EFCAB6: variants seen among roughly 807,000 people sequenced by gnomAD.
The protein encoded by EFCAB6 is EF-hand calcium binding domain 6, also known as EF-hand calcium-binding domain-containing protein 6.
In EFCAB6, 156 loss-of-function variants were observed where a neutral mutation model predicts 169.8. The ratio of observed to expected loss-of-function variants is 0.92; its 90% CI spans 0.81 to 1.05. EFCAB6 has a LOEUF of 1.05. Ranked by LOEUF, EFCAB6 falls within the 50% of genes least tolerant of loss-of-function variation. EFCAB6 has a pLI of 0.00. For missense variants in EFCAB6, 1,800 were observed against 1,829.1 expected (o/e 0.98, Z 0.29); for synonymous variants, 698 against 676.4 (o/e 1.03, Z -0.50).
intron 5 of EFCAB6, among the ~76,000 whole-genome samples, chr22:43,757,065 T>A (rs538763458): frequency 3.3e-5 from 5 of 152,262 alleles, no homozygotes; most frequent in African/African-American, 1.2e-4. Context: ...GGGAAGACAC[T>A]GGAGTGCTTA....
At chr22:43,661,248 T>C (rs2056986639) in intron 17 of EFCAB6, among the ~76,000 whole-genome samples, 1 of 152,178 alleles carries the variant, frequency 6.6e-6, no homozygotes, top group African/African-American at 2.4e-5. Flanking sequence ...CCTGGTGGCA[T>C]GGACCTCTAG....
At chr22:43,649,441 C>G (rs762826960) in intron 17 of EFCAB6, among the ~76,000 whole-genome samples, 11 of 152,094 alleles carry the variant, frequency 7.2e-5, no homozygotes, top group Admixed American at 1.3e-4. Context: ...TACACAGCCA[C>G]TAGAAATGTG....
intron 26 of EFCAB6, among the ~76,000 whole-genome samples, chr22:43,565,465 T>C (rs1461597170): frequency 6.6e-6 from 1 of 152,226 alleles, no homozygotes; most frequent in East Asian, 1.9e-4. Context: ...AAGTAAGCTG[T>C]TGAGCACAGA....
Position 43,731,992 on chromosome 22 carries a change from A to G in EFCAB6, c.645-181T>C, listed in dbSNP as rs377306767. On this transcript the variant is annotated intron_variant, in intron 7 of 31. Transcript: ENST00000262726. ...GTCAGATTTTTTTTTTAATGCAGCT[A>G]CTTCGAGATCACTTCTCCAACCTAC... 3.0e-4 allele frequency among the ~76,000 whole-genome samples: 46 copies of G among 152,270 alleles called. No individual in the cohort carries two copies. The South Asian group carries it at 5.4e-3, about 18-fold the overall frequency.
intron 17 of EFCAB6, among the ~76,000 whole-genome samples, chr22:43,664,389 G>T (rs2057146757): frequency 6.6e-6 from 1 of 152,204 alleles, no homozygotes; most frequent in Admixed American, 6.5e-5. Context: ...GAGATCAAAT[G>T]TCAACCTTTG....
chr22:43,543,426 C>G (rs2047863284), intron 27 of EFCAB6, among the ~76,000 whole-genome samples: 2 of 152,176 alleles, frequency 1.3e-5, no homozygotes. Flanking sequence ...CACGGGGCCA[C>G]TTCTCCAGAC....
intron 10 of EFCAB6, among the ~76,000 whole-genome samples, chr22:43,706,797 T>A (rs1417713170): frequency 6.6e-6 from 1 of 152,212 alleles, no homozygotes; most frequent in African/African-American, 2.4e-5. Flanking sequence ...TCATCTCAGT[T>A]GTTTACTATA....
intron 20 of EFCAB6, among the ~76,000 whole-genome samples, chr22:43,624,255 AC>A (rs1050404585): frequency 6.6e-6 from 1 of 151,946 alleles, no homozygotes; most frequent in African/African-American, 2.4e-5. Context: ...GGTCCACCAG[AC>A]CCCGGGGACC....
At chr22:43,811,196 C>T (rs1318523971) in intron 1 of EFCAB6, among the ~76,000 whole-genome samples, 1 of 151,334 alleles carries the variant, frequency 6.6e-6, no homozygotes, top group Admixed American at 6.6e-5. Flanking sequence ...ACGAGAATCG[C>T]TTGAACCCGG....
chr22:43,752,008 A>G (rs1332514975), intron 6 of EFCAB6, among the ~76,000 whole-genome samples: 1 of 152,178 alleles, frequency 6.6e-6, no homozygotes, highest in Non-Finnish European at 1.5e-5. Context: ...ATTAATGTCC[A>G]AAAGATTAAG....
chr22:43,678,094 C>A lies in EFCAB6; in HGVS notation c.1321G>T (p.Asp441Tyr). 1 of 1,613,146 alleles carries A rather than the reference C, an allele frequency of 6.2e-7. No individual in the cohort carries two copies. The highest frequency in any genetic ancestry group is 1.3e-5 in the African/African-American group (1 of 74,688). Reference protein sequence around the residue: ...ILNCMAVKLSDSEFKELMQML... With the variant: ...ILNCMAVKLSYSEFKELMQML... ...TGCATTAGTTCTTTGAATTCTGAAT[C>A]GCTTAGTTTTACAGCCATGCAATTT... Residue 441 changes from aspartate (D) to tyrosine (Y), a missense_variant, in exon 13 of 32, where the codon GAT (aspartate) becomes TAT (tyrosine). Physicochemically the swap from Asp to Tyr is radical, Grantham distance 160. Transcript: ENST00000262726.
chr22:43,743,423 T>C (rs1236690322), intron 6 of EFCAB6, among the ~76,000 whole-genome samples: 2 of 152,186 alleles, frequency 1.3e-5, no homozygotes, highest in Non-Finnish European at 2.9e-5. Context: ...GGTGCTGAAA[T>C]GAGGCTTCAA....
Position 43,572,273 on chromosome 22 carries a change from C to T in EFCAB6, c.3420+4024G>A, listed in dbSNP as rs1472153096. Among the ~76,000 whole-genome samples, 1 of 152,200 alleles carries T rather than the reference C, an allele frequency of 6.6e-6. No homozygotes were observed. The highest frequency in any genetic ancestry group is 2.4e-5 in the African/African-American group (1 of 41,448). ...ACCAATGTTGCGGGAGGCAAGCTGACAGCACATAAAGCTTTAGGAATGTTC... is the reference window on the plus strand; with the variant it reads ...ACCAATGTTGCGGGAGGCAAGCTGATAGCACATAAAGCTTTAGGAATGTTC... On this transcript the variant is annotated intron_variant, in intron 26 of 31. Coordinates refer to ENST00000262726, the MANE Select transcript of EFCAB6 (RefSeq NM_022785.4). This position sits in a 1 kb window ranked among gnomAD's most constrained non-coding sequence, Gnocchi z 4.0.
At chr22:43,721,174 G>A (rs906307600) in intron 8 of EFCAB6, among the ~76,000 whole-genome samples, 1 of 152,144 alleles carries the variant, frequency 6.6e-6, no homozygotes, top group Non-Finnish European at 1.5e-5. Context: ...AACCAAGGAG[G>A]TGAAAGATCT....
chr22:43,555,107 T>C lies in EFCAB6; in HGVS notation c.3421-11A>G, dbSNP rs1323048846. The C allele has an allele frequency of 9.3e-6, 15 of 1,613,890 alleles. No individual in the cohort carries two copies. Among genetic ancestry groups the C allele is most frequent in the South Asian group, 2.2e-5 (2 of 91,062 alleles). On this transcript the variant is annotated splice_polypyrimidine_tract_variant and intron_variant, in intron 26 of 31. Transcript: ENST00000262726. Reference sequence around the variant, plus strand: ...CCACTCATCAGCTGTCTGGACAAAATAGAATGGAAATTGATCCATGTGAGA... The same window carrying C: ...CCACTCATCAGCTGTCTGGACAAAACAGAATGGAAATTGATCCATGTGAGA...
chr22:43,616,264 T>C (rs2053674877), intron 20 of EFCAB6, among the ~76,000 whole-genome samples: 1 of 152,228 alleles, frequency 6.6e-6, no homozygotes, highest in East Asian at 1.9e-4. Context: ...AACTTTTATT[T>C]CTGAATTTGC....
At chr22:43,738,358 CATCA>C (rs557391168) in intron 6 of EFCAB6, among the ~76,000 whole-genome samples, 31 of 137,650 alleles carry the variant, frequency 2.3e-4, no homozygotes, top group South Asian at 2.0e-3. Flanking sequence ...TCATTCACAC[CATCA>C]ATCACATACA....
At chr22:43,641,669 G>GA (rs139626600) in intron 17 of EFCAB6, among the ~76,000 whole-genome samples, 12,624 of 151,628 alleles carry the variant, frequency 0.083, 653 homozygotes, top group South Asian at 0.17. Context: ...TTCCTTGTGA[G>GA]ACACACAAAA....
At chr22:43,582,130 G>A (rs928002841) in intron 24 of EFCAB6, among the ~76,000 whole-genome samples, 3 of 152,092 alleles carry the variant, frequency 2.0e-5, no homozygotes, top group African/African-American at 7.2e-5. Flanking sequence ...TTTTGTTGTT[G>A]TTTATAAAAG....
Sources: gnomAD v4.1 joint callset for allele counts (sites outside exome capture counted in the v4.1 genomes callset) on GRCh38, gnomAD v4.1.1 for gene constraint, Gnocchi (gnomAD v3.1) non-coding constraint, MANE v1.5 for transcripts, NCBI Gene and HGNC (gene_info 2026-07-23, HGNC 2026-07-21) for gene names.